The following SDC3 variants were observed in gnomAD, a reference collection of about 807,000 sequenced individuals.
SDC3 encodes syndecan 3, also known as syndecan-3.
In SDC3, 13 loss-of-function variants were observed where a neutral mutation model predicts 24.4. The observed-to-expected ratio is 0.53, with a 90% CI of 0.35 to 0.85. SDC3 has a LOEUF of 0.85. SDC3 is among the 40% of genes least tolerant of loss of function. SDC3 has a pLI of 0.01. For missense variants in SDC3, 571 were observed against 584.5 expected, an observed-to-expected ratio of 0.98 and a Z score of 0.24; for synonymous variants, 295 against 260.9, an observed-to-expected ratio of 1.13 and a Z score of -1.26.
At chr1:30,886,478 C>T (rs1639831287) in intron 1 of SDC3, among the ~76,000 whole-genome samples, 1 of 152,180 alleles carries the variant, frequency 6.6e-6, no homozygotes, top group South Asian at 2.1e-4. Flanking sequence ...ACCAACCATG[C>T]TCCCATCACT....
In SDC3 at chr1:30,905,570, A is replaced by G. The variant is rs139212663; in HGVS notation, c.138+2879T>C. Among the ~76,000 whole-genome samples, 144 of 152,104 alleles carry G rather than the reference A, an allele frequency of 9.5e-4. 1 individual carries two copies. The highest frequency in any genetic ancestry group is 3.3e-3 in the African/African-American group (136 of 41,496). On this transcript the variant is annotated intron_variant, in intron 1 of 4. Coordinates refer to ENST00000339394, the MANE Select transcript of SDC3 (RefSeq NM_014654.4). ...CTCCATTTTAAAGAGGTGGAAACTA[A>G]GGCACAGAGAGGTTAGGTAACTTTC...
chr1:30,896,036 C>T (rs187117733), intron 1 of SDC3, among the ~76,000 whole-genome samples: 209 of 152,290 alleles, frequency 1.4e-3, no homozygotes, highest in Middle Eastern at 3.4e-3. Context: ...CCCGCCTGCA[C>T]CTCCATAGCT....
chr1:30,896,204 G>T (rs906101569), intron 1 of SDC3, among the ~76,000 whole-genome samples: 1 of 152,192 alleles, frequency 6.6e-6, no homozygotes, highest in Non-Finnish European at 1.5e-5. Flanking sequence ...GCAGGGAAAA[G>T]AAACAAAGTA....
intron 1 of SDC3, among the ~76,000 whole-genome samples, chr1:30,896,599 G>T (rs1411314951): frequency 2.6e-5 from 4 of 152,192 alleles, no homozygotes; most frequent in Non-Finnish European, 5.9e-5. Context: ...AGAGGGAACA[G>T]CATCTGGGTA....
intron 4 of SDC3, 60 bp downstream of exon 4, chr1:30,874,237 G>T: frequency 7.1e-7 from 1 of 1,411,464 alleles, no homozygotes. Context: ...CTGAGGCCCA[G>T]CCAGCTGTCT....
intron 1 of SDC3, among the ~76,000 whole-genome samples, chr1:30,900,179 G>A (rs1638385301): frequency 6.6e-6 from 1 of 152,116 alleles, no homozygotes; most frequent in Non-Finnish European, 1.5e-5. Flanking sequence ...GGGCCTCTGT[G>A]CCCCCATCTG....
In SDC3 at chr1:30,872,476, A is replaced by G. The variant is rs1639555800; in HGVS notation, c.*735T>C. 6.6e-6 allele frequency: 1 copy of G among 152,308 alleles called. No homozygotes were observed. The highest frequency in any genetic ancestry group is 6.5e-5 in the Admixed American group (1 of 15,276). 9.4% of individuals were successfully genotyped at this position (152,308 alleles called of 1,614,324 possible). The stretch of plus-strand genomic sequence containing the variant: ...TTGTCTTGTGTGTGACTGAGTGAAA[A>G]TATGGTGATAGTGTGGGCAATGGTG... On this transcript the variant is annotated 3_prime_UTR_variant, in exon 5 of 5. Transcript: ENST00000339394.
At chr1:30,905,912 G>A (rs1283210522) in intron 1 of SDC3, among the ~76,000 whole-genome samples, 1 of 149,566 alleles carries the variant, frequency 6.7e-6, no homozygotes, top group African/African-American at 2.5e-5. Context: ...CATCTGCAGT[G>A]TGAATGAGGC....
intron 1 of SDC3, among the ~76,000 whole-genome samples, chr1:30,898,415 A>C (rs1294510925): frequency 6.6e-6 from 1 of 152,170 alleles, no homozygotes. Context: ...TCAGGGACCA[A>C]GCTGAGCCCC....
rs144697438 is a variant in SDC3 at position 30,873,322 on chromosome 1, C to T, written c.1218G>A (p.Leu406=). Residue 406 remains leucine, a synonymous_variant, in exon 5 of 5, where the codon CTG becomes CTA. Transcript: ENST00000339394. The part of the protein sequence containing the change: ...GALFAAFLVT[L]LIYRMKKKDE... Reference sequence around the variant, plus strand: ...CCTTTTTCTTCATACGATAGATGAGCAGTGTGACCAAGAAGGCAGCAAAGA... The same window carrying T: ...CCTTTTTCTTCATACGATAGATGAGTAGTGTGACCAAGAAGGCAGCAAAGA... 26 of 1,612,818 alleles carry T rather than the reference C, an allele frequency of 1.6e-5. No individual in the cohort carries two copies. Among genetic ancestry groups the T allele is most frequent in the Non-Finnish European group, 1.6e-5 (19 of 1,178,896 alleles).
chr1:30,892,657 C>T (rs1639924225), intron 1 of SDC3, among the ~76,000 whole-genome samples: 1 of 152,134 alleles, frequency 6.6e-6, no homozygotes, highest in South Asian at 2.1e-4. Context: ...TGATGGTGGG[C>T]TCTCATGGCC....
In SDC3 at chr1:30,872,040, A is replaced by T. The variant is rs1639548195; in HGVS notation, c.*1171T>A. 6.6e-6 allele frequency: 1 copy of T among 152,376 alleles called. No individual in the cohort carries two copies. Among genetic ancestry groups the T allele is most frequent in the East Asian group, 1.9e-4 (1 of 5,186 alleles). The allele number at this position is 152,376 out of a possible 1,614,324, so 9.4% of individuals were successfully genotyped here. A position where few individuals can be genotyped will look rare whatever the true frequency, so the allele number is the denominator to read the frequency against. On this transcript the variant is annotated 3_prime_UTR_variant, in exon 5 of 5. Transcript: ENST00000339394. ...CTGCCTGTTTCCCTCCAGCATTGAG[A>T]GCAGGTCATGTGGAGTGAGACTGTG... is the stretch of plus-strand genomic sequence containing the variant.
At chr1:30,881,872 C>CA (rs1435712959) in intron 1 of SDC3, among the ~76,000 whole-genome samples, 1 of 152,204 alleles carries the variant, frequency 6.6e-6, no homozygotes, top group African/African-American at 2.4e-5. Context: ...GAGCCACCCC[C>CA]AGACCCATTG....
At chr1:30,875,524 C>T (rs1228548186) in intron 3 of SDC3, among the ~76,000 whole-genome samples, 1 of 152,186 alleles carries the variant, frequency 6.6e-6, no homozygotes, top group Non-Finnish European at 1.5e-5. Context: ...GCCCAAGGGC[C>T]TTCCACAGTG....
chr1:30,908,624 G>GGGCGGT lies in SDC3; in HGVS notation c.-39_-38insACCGCC. On this transcript the variant is annotated 5_prime_UTR_variant, in exon 1 of 5. Coordinates refer to ENST00000339394, the MANE Select transcript of SDC3 (RefSeq NM_014654.4). ...GGCGCGGGCGGCGGGCGGCGGGCGG[G>GGGCGGT]CGCCTTTGTTCCCGAGGCGCGGCGC... 1.2e-6 allele frequency: 1 copy of GGGCGGT among 845,956 alleles called. No homozygotes were observed. The highest frequency in any genetic ancestry group is 1.4e-6 in the Non-Finnish European group (1 of 708,194). The allele number at this position is 845,956 out of a possible 1,614,324, so 52.4% of individuals were successfully genotyped here. A position where few individuals can be genotyped will look rare whatever the true frequency, so the allele number is the denominator to read the frequency against.
Position 30,908,559 on chromosome 1 carries a change from C to A in SDC3, c.28G>T (p.Gly10Trp). The A allele has an allele frequency of 9.2e-6, 9 of 975,316 alleles. No homozygotes were observed. The highest frequency in any genetic ancestry group is 1.1e-5 in the Non-Finnish European group (9 of 825,752). The allele number at this position is 975,316 out of a possible 1,614,324, so 60.4% of individuals were successfully genotyped here. The change falls in exon 1 of 5, where the codon GGG (glycine) becomes TGG (tryptophan). Residue 10 changes from glycine (G) to tryptophan (W), a missense_variant. By Grantham distance (184) the Gly-to-Trp change is radical. Around this residue, in one of 2 missense-constraint regions of SDC3, gnomAD observed 497 missense variants for 471.6 expected, o/e 1.05. Coordinates refer to ENST00000339394, the MANE Select transcript of SDC3 (RefSeq NM_014654.4). ...CCGGCGCCGGCCCCGTGGGCGGCCC[C>A]GGCACGGTGCGGCGGCCCCGGCTTC... Reference protein sequence around the residue: MKPGPPHRAGAAHGAGAGAG... With the variant: MKPGPPHRAWAAHGAGAGAG...
upstream of SDC3, chr1:30,908,850 CG>C (rs1557530044): frequency 2.1e-3 from 1 of 466 alleles, no homozygotes; most frequent in South Asian, 2.6e-3. Flanking sequence ...CGGGGCGGGG[CG>C]GGCCCCAGTG....
At chr1:30,898,428 G>C (rs1428223283) in intron 1 of SDC3, among the ~76,000 whole-genome samples, 1 of 152,140 alleles carries the variant, frequency 6.6e-6, no homozygotes, top group Non-Finnish European at 1.5e-5. Flanking sequence ...TGAGCCCCCT[G>C]GGGGTCCCTA....
intron 3 of SDC3, 47 bp downstream of exon 3, chr1:30,876,505 A>C: frequency 9.9e-7 from 1 of 1,009,204 alleles, no homozygotes; most frequent in Non-Finnish European, 1.5e-6. Flanking sequence ...CCCTCCCCTG[A>C]CCCACCCTCC....
Sources: gnomAD v4.1 joint callset for allele counts (sites outside exome capture counted in the v4.1 genomes callset) on GRCh38, gnomAD v4.1.1 for gene constraint, gnomAD v4.1.1 regional missense constraint, MANE v1.5 for transcripts, NCBI Gene and HGNC (gene_info 2026-07-23, HGNC 2026-07-21) for gene names.